Variants in SLC25A40 observed in about 807,000 individuals in gnomAD.
SLC25A40 encodes mitochondrial glutathione transporter SLC25A40.
A neutral mutation model predicts 46.5 loss-of-function variants in SLC25A40; 41 were observed. The observed-to-expected ratio is 0.88, with a 90% CI of 0.69 to 1.14. The LOEUF (loss-of-function observed/expected upper bound fraction) is 1.14, where lower values mean the gene tolerates loss of function less well. SLC25A40 is among the 50% of genes most tolerant of loss of function. The probability of loss-of-function intolerance (pLI) is 0.00; values close to 1 mark genes in which losing one functional copy is unlikely to be tolerated. For missense variants in SLC25A40, 386 were observed against 393.6 expected (o/e 0.98, Z 0.16); for synonymous variants, 126 against 127.5 (o/e 0.99, Z 0.08).
At chr7:87,852,554 G>A (rs1838533516) in intron 5 of SLC25A40, among the ~76,000 whole-genome samples, 1 of 152,160 alleles carries the variant, frequency 6.6e-6, no homozygotes, top group Admixed American at 6.5e-5. Context: ...AGGTGACAGA[G>A]CGAGGCCTTG....
chr7:87,846,487 C>G (rs1838422739), intron 8 of SLC25A40, among the ~76,000 whole-genome samples: 1 of 152,052 alleles, frequency 6.6e-6, no homozygotes, highest in African/African-American at 2.4e-5. Context: ...GTACAATTCC[C>G]TACTTGATTT....
rs759051500 is a variant in SLC25A40 at position 87,835,965 on chromosome 7, T to C, written c.*284A>G. 1.1e-5 allele frequency: 3 copies of C among 266,524 alleles called. No individual in the cohort carries two copies. The highest frequency in any genetic ancestry group is 2.1e-5 in the Non-Finnish European group (3 of 142,718). 16.5% of individuals were successfully genotyped at this position (266,524 alleles called of 1,614,324 possible). Reference sequence around the variant, plus strand: ...TAAGATTATGTTACACTGAAACATATAATATTAAACTTTCAAGAGACTGCT... The same window carrying C: ...TAAGATTATGTTACACTGAAACATACAATATTAAACTTTCAAGAGACTGCT... On this transcript the variant is annotated 3_prime_UTR_variant, in exon 12 of 12. Transcript: ENST00000341119.
chr7:87,847,149 AAAC>A (rs1161554597), intron 7 of SLC25A40, 27 bp from the exon 8 acceptor site: 21 of 1,540,622 alleles, frequency 1.4e-5, no homozygotes, highest in Non-Finnish European at 1.8e-5. Context: ...AAAAAAAAGA[AAAC>A]AAAAATAAAG....
chr7:87,850,368 TAACA>T (rs1838489249), intron 5 of SLC25A40, among the ~76,000 whole-genome samples: 1 of 152,208 alleles, frequency 6.6e-6, no homozygotes, highest in Admixed American at 6.5e-5. Flanking sequence ...AGTCTTCTAT[TAACA>T]GACAGACTCT....
intron 5 of SLC25A40, 21 bp downstream of exon 5, chr7:87,854,183 T>C (rs763949924): frequency 7.0e-7 from 1 of 1,430,200 alleles, no homozygotes; most frequent in Non-Finnish European, 9.8e-7. Flanking sequence ...ACTGTGATTC[T>C]AAGGAATATA....
intron 6 of SLC25A40, among the ~76,000 whole-genome samples, chr7:87,849,438 G>T (rs911022958): frequency 6.6e-5 from 10 of 152,032 alleles, no homozygotes; most frequent in African/African-American, 2.4e-4. Context: ...CATCACAACT[G>T]GCCTAAAAGA....
At chr7:87,839,418 TGAGTA>T (rs1170148247) in intron 10 of SLC25A40, among the ~76,000 whole-genome samples, 3 of 146,960 alleles carry the variant, frequency 2.0e-5, no homozygotes, top group African/African-American at 5.3e-5. Flanking sequence ...AAATATTGCT[TGAGTA>T]GTGTTTTTTT....
chr7:87,852,555 C>A (rs1428357453), intron 5 of SLC25A40, among the ~76,000 whole-genome samples: 1 of 151,870 alleles, frequency 6.6e-6, no homozygotes, highest in Admixed American at 6.6e-5. Flanking sequence ...GGTGACAGAG[C>A]GAGGCCTTGT....
chr7:87,834,563 G>A lies in SLC25A40; in HGVS notation c.*1686C>T, dbSNP rs995758250. On this transcript the variant is annotated 3_prime_UTR_variant, in exon 12 of 12. Coordinates refer to ENST00000341119, the MANE Select transcript of SLC25A40 (RefSeq NM_018843.4). ...TTCCTAAGTGCAGTGAGGGGTAGGA[G>A]ACATGGAAACCTTTCTCATACTTAT... is the stretch of plus-strand genomic sequence containing the variant. 2.0e-5 allele frequency: 3 copies of A among 151,554 alleles called. No homozygotes were observed. Among genetic ancestry groups the A allele is most frequent in the African/African-American group, 7.3e-5 (3 of 41,340 alleles). 9.4% of individuals were successfully genotyped at this position (151,554 alleles called of 1,614,324 possible). A position where few individuals can be genotyped will look rare whatever the true frequency, so the allele number is the denominator to read the frequency against.
chr7:87,860,880 A>C (rs972557719), intron 1 of SLC25A40, among the ~76,000 whole-genome samples: 7 of 150,724 alleles, frequency 4.6e-5, no homozygotes, highest in African/African-American at 1.7e-4. Context: ...AAAAACAAAT[A>C]AGCAAACGAC....
At chr7:87,860,080 C>T in intron 2 of SLC25A40, 1 of 152,036 alleles carries the variant, frequency 6.6e-6, no homozygotes, top group Non-Finnish European at 1.5e-5. Flanking sequence ...ACCTGTAGTC[C>T]CAGTTCCGTG....
chr7:87,861,463 CTG>C (rs1838698150), intron 1 of SLC25A40, among the ~76,000 whole-genome samples: 1 of 152,102 alleles, frequency 6.6e-6, no homozygotes, highest in African/African-American at 2.4e-5. Flanking sequence ...GTTCTAATAA[CTG>C]TAGTTTACAA....
intron 2 of SLC25A40, 118 bp from the exon 3 acceptor site, chr7:87,858,869 A>C (rs1562747614): frequency 1.7e-5 from 11 of 632,020 alleles, no homozygotes; most frequent in Non-Finnish European, 2.3e-5. Flanking sequence ...GAGAGAATTA[A>C]CCAAACAGAT....
At position 87,834,087 on chromosome 7, in the gene SLC25A40, A is replaced by C. The variant is rs1362892728; in HGVS notation, c.*2162T>G. On this transcript the variant is annotated 3_prime_UTR_variant, in exon 12 of 12. Coordinates refer to ENST00000341119, the MANE Select transcript of SLC25A40 (RefSeq NM_018843.4). ...TTAATAGAATAAAAACTGTTTTAGA[A>C]ACATCACCAAGAACACTGTTGTGGC... 2.0e-5 allele frequency: 3 copies of C among 151,944 alleles called. No individual in the cohort carries two copies. The highest frequency in any genetic ancestry group is 2.9e-5 in the Non-Finnish European group (2 of 67,916). The allele number at this position is 151,944 out of a possible 1,614,324, so 9.4% of individuals were successfully genotyped here.
chr7:87,869,596 CT>C (rs1325119208), intron 1 of SLC25A40, among the ~76,000 whole-genome samples: 2 of 151,672 alleles, frequency 1.3e-5, no homozygotes, highest in African/African-American at 4.8e-5. Context: ...TTCGTACCCC[CT>C]TTTTTTCTGG....
chr7:87,861,864 T>G (rs1838704525), intron 1 of SLC25A40, among the ~76,000 whole-genome samples: 1 of 152,202 alleles, frequency 6.6e-6, no homozygotes, highest in Non-Finnish European at 1.5e-5. Flanking sequence ...GTCAGAAATT[T>G]AGATATAACT....
At position 87,835,566 on chromosome 7, in the gene SLC25A40, T is replaced by C; in HGVS notation, c.*683A>G. 6.6e-6 allele frequency: 1 copy of C among 151,606 alleles called. No individual in the cohort carries two copies. The highest frequency in any genetic ancestry group is 3.2e-3 in the Middle Eastern group (1 of 316). 9.4% of individuals were successfully genotyped at this position (151,606 alleles called of 1,614,324 possible). A position where few individuals can be genotyped will look rare whatever the true frequency, so the allele number is the denominator to read the frequency against. ...TAAAAAACTCCCTCTCTTACAGGAA[T>C]GGCAGAAATATAGACATTTAGTCAT... On this transcript the variant is annotated 3_prime_UTR_variant, in exon 12 of 12. Transcript: ENST00000341119.
chr7:87,837,535 A>G (rs529575322), intron 10 of SLC25A40, among the ~76,000 whole-genome samples: 9 of 151,320 alleles, frequency 5.9e-5, no homozygotes, highest in African/African-American at 2.2e-4. Context: ...AACCACTCAA[A>G]TATCTGGAAG....
In SLC25A40 at chr7:87,836,906, C is replaced by T. The variant is rs551145307; in HGVS notation, c.824-96G>A. ...GTGTCCATGGCCCTTGCGGATATAT[C>T]ATTTCTTTACCATAAGAAGAGGTTT... On this transcript the variant is annotated intron_variant, in intron 10 of 11. Coordinates refer to ENST00000341119, the MANE Select transcript of SLC25A40 (RefSeq NM_018843.4). The T allele has an allele frequency of 3.0e-4, 189 of 619,684 alleles. 1 individual carries two copies. Among genetic ancestry groups the T allele is most frequent in the Admixed American group, 4.8e-4 (12 of 25,036 alleles). The allele number at this position is 619,684 out of a possible 1,614,324, so 38.4% of individuals were successfully genotyped here. A position where few individuals can be genotyped will look rare whatever the true frequency, so the allele number is the denominator to read the frequency against.
Sources: allele counts gnomAD v4.1 joint callset (sites outside exome capture counted in the v4.1 genomes callset), GRCh38; gene constraint gnomAD v4.1.1; transcripts MANE v1.5; gene names NCBI Gene and HGNC (gene_info 2026-07-23, HGNC 2026-07-21).